ADAM22: variants seen among roughly 807,000 people sequenced by gnomAD.
ADAM22 encodes the protein ADAM metallopeptidase domain 22, also known as disintegrin and metalloproteinase domain-containing protein 22.
ADAM22 carries 65 observed loss-of-function variants against 144.6 expected under a neutral mutation model. The observed-to-expected ratio is 0.45, with a 90% CI of 0.37 to 0.55. The LOEUF (loss-of-function observed/expected upper bound fraction) is 0.55, where lower values mean the gene tolerates loss of function less well. Ranked by LOEUF, ADAM22 falls within the 20% of genes least tolerant of loss-of-function variation. The pLI, the probability that ADAM22 is intolerant of heterozygous loss-of-function variation, is 0.00. For missense variants in ADAM22, 974 were observed against 1,184.9 expected (o/e 0.82, Z 2.61); for synonymous variants, 391 against 412.6 (o/e 0.95, Z 0.63).
At chr7:88,151,358 G>A in intron 20 of ADAM22, 38 bp downstream of exon 20, 6 of 1,609,326 alleles carry the variant, frequency 3.7e-6, no homozygotes, top group Non-Finnish European at 4.3e-6. Flanking sequence ...GTTAAAGCAT[G>A]ATGTCAGGCG....
chr7:88,106,427 G>A (rs894515287), intron 4 of ADAM22, among the ~76,000 whole-genome samples: 1 of 152,106 alleles, frequency 6.6e-6, no homozygotes, highest in African/African-American at 2.4e-5. Flanking sequence ...TTGGAATTTC[G>A]GTGAAGAAAA....
intron 3 of ADAM22, among the ~76,000 whole-genome samples, chr7:88,062,310 G>C (rs1467220889): frequency 6.6e-6 from 1 of 152,198 alleles, no homozygotes; most frequent in East Asian, 1.9e-4. Flanking sequence ...AATTGTGGCA[G>C]CTTCTCCATC....
chr7:88,042,139 A>G lies in ADAM22; in HGVS notation c.324-33487A>G, dbSNP rs1376433423. On this transcript the variant is annotated intron_variant, in intron 3 of 31. Coordinates refer to ENST00000413139, the MANE Select transcript of ADAM22 (RefSeq NM_001324418.2). ...TTTCTCCAATCTAAGAAGAAAGTTT[A>G]TCTTCAGGGGAGGGCTTTCTCACTG... 1.3e-5 allele frequency among the ~76,000 whole-genome samples: 2 copies of G among 152,006 alleles called. 1 individual carries two copies. Among genetic ancestry groups the G allele is most frequent in the Non-Finnish European group, 2.9e-5 (2 of 67,912 alleles).
chr7:88,134,899 C>T (rs1479659327), intron 13 of ADAM22, among the ~76,000 whole-genome samples: 1 of 151,990 alleles, frequency 6.6e-6, no homozygotes, highest in Non-Finnish European at 1.5e-5. Context: ...TGTCTTTTCT[C>T]AAGTAGGTAA....
At chr7:87,970,399 T>C (rs979428197) in intron 2 of ADAM22, among the ~76,000 whole-genome samples, 8 of 152,188 alleles carry the variant, frequency 5.3e-5, no homozygotes, top group African/African-American at 7.2e-5. Context: ...TTATTTTTAA[T>C]AATATTAATT....
intron 2 of ADAM22, among the ~76,000 whole-genome samples, chr7:87,974,230 G>A (rs1472049546): frequency 6.6e-6 from 1 of 150,924 alleles, no homozygotes; most frequent in Non-Finnish European, 1.5e-5. Flanking sequence ...TGTGAACCTG[G>A]GAGGCAGAGC....
In ADAM22 at chr7:88,067,659, CT is replaced by C. The variant is rs1289558025; in HGVS notation, c.324-7964del. On this transcript the variant is annotated intron_variant, in intron 3 of 31. Coordinates refer to ENST00000413139, the MANE Select transcript of ADAM22 (RefSeq NM_001324418.2). ...TCTGCTGCAAAGCCGGCTTGGAAAA[CT>C]TTGCTTTATTAGGAACAGGATTCTA... is the stretch of plus-strand genomic sequence containing the variant. 4.6e-5 allele frequency among the ~76,000 whole-genome samples: 7 copies of C among 152,182 alleles called. No individual in the cohort carries two copies. The East Asian group carries it at 1.2e-3, about 25-fold the overall frequency.
At chr7:88,010,075 G>A (rs1795013140) in intron 3 of ADAM22, among the ~76,000 whole-genome samples, 1 of 151,658 alleles carries the variant, frequency 6.6e-6, no homozygotes, top group East Asian at 1.9e-4. Context: ...CATATTGCTA[G>A]GGTCTCTCTA....
At chr7:88,024,543 A>G (rs1353347121) in intron 3 of ADAM22, among the ~76,000 whole-genome samples, 1 of 151,008 alleles carries the variant, frequency 6.6e-6, no homozygotes, top group East Asian at 1.9e-4. Flanking sequence ...AAATTATTGG[A>G]TTTTTCTTTC....
chr7:88,051,681 C>A (rs746374257), intron 3 of ADAM22, among the ~76,000 whole-genome samples: 1 of 151,776 alleles, frequency 6.6e-6, no homozygotes, highest in Non-Finnish European at 1.5e-5. Context: ...GCACATGTTT[C>A]CCAGAACTTA....
chr7:88,189,756 C>T (rs984754621), intron 30 of ADAM22, among the ~76,000 whole-genome samples: 13 of 151,904 alleles, frequency 8.6e-5, no homozygotes, highest in Non-Finnish European at 1.3e-4. Flanking sequence ...CCATCCTGGC[C>T]AACATGGTGA....
Position 88,178,994 on chromosome 7 carries a change from A to C in ADAM22, c.2360A>C (p.Asp787Ala). The change falls in exon 27 of 32, where the codon GAC (aspartate) becomes GCC (alanine). Residue 787 changes from aspartate to alanine, a missense_variant. Coordinates refer to ENST00000413139, the MANE Select transcript of ADAM22 (RefSeq NM_001324418.2). ...KPGDGDSFYSDIPPGVSTNSA... is the reference protein window; with the variant it reads ...KPGDGDSFYSAIPPGVSTNSA... ...GGAGATGGTGACTCTTTTTATAGCG[A>C]CATTCCTCCCGGAGTCAGCACAAAC... 1.2e-6 allele frequency: 2 copies of C among 1,613,338 alleles called. No homozygotes were observed. The highest frequency in any genetic ancestry group is 1.7e-6 in the Non-Finnish European group (2 of 1,179,468).
At position 88,116,730 on chromosome 7, in the gene ADAM22, CT is replaced by C; in HGVS notation, c.538-13del. Reference sequence around the variant, plus strand: ...TGTTGTACATGCTTAATCACTGTTGCTTGTGTCATTTCAGGAGGATTTCCAT... The same window carrying C: ...TGTTGTACATGCTTAATCACTGTTGCTGTGTCATTTCAGGAGGATTTCCAT... On this transcript the variant is annotated splice_polypyrimidine_tract_variant and intron_variant, in intron 6 of 31. Transcript: ENST00000413139. 6.2e-7 allele frequency: 1 copy of C among 1,607,742 alleles called. No homozygotes were observed. The highest frequency in any genetic ancestry group is 1.1e-5 in the South Asian group (1 of 90,804).
rs11311070 is a variant in ADAM22, at chr7:87,944,816, G to GTT, written c.246+9643_246+9644dup. ...CTTAGGTCTTTAAAGGGAAACTTGT[G>GTT]TTTTTTTTTTTTTTGTTTTTTTTTT... On this transcript the variant is annotated intron_variant, in intron 2 of 31. Coordinates refer to ENST00000413139, the MANE Select transcript of ADAM22 (RefSeq NM_001324418.2). 5.9e-3 allele frequency among the ~76,000 whole-genome samples: 753 copies of GTT among 127,000 alleles called. 5 individuals are homozygous for GTT. Among genetic ancestry groups the GTT allele is most frequent in the South Asian group, 0.026 (103 of 3,978 alleles). 83.3% of individuals were successfully genotyped at this position (127,000 alleles called of 152,430 possible). A position where few individuals can be genotyped will look rare whatever the true frequency, so the allele number is the denominator to read the frequency against.
In ADAM22 at chr7:88,130,387, G is replaced by GT; in HGVS notation, c.756dup (p.Lys253Ter). Reference sequence around the variant, plus strand: ...CTTCACTTGTTTTCTTTTGCTTTCAGTTTAAAAAACATCGGCTTTCCGTTG... The same window carrying GT: ...CTTCACTTGTTTTCTTTTGCTTTCAGTTTTAAAAAACATCGGCTTTCCGTTG... On this transcript the variant is annotated frameshift_variant and splice_region_variant. Transcript: ENST00000413139. LOFTEE classifies it high-confidence loss of function. 2 of 1,610,506 alleles carry GT rather than the reference G, an allele frequency of 1.2e-6. No homozygotes were observed. The highest frequency in any genetic ancestry group is 1.7e-6 in the Non-Finnish European group (2 of 1,178,306).
At chr7:88,123,762 A>C (rs962894854) in intron 7 of ADAM22, among the ~76,000 whole-genome samples, 3 of 151,838 alleles carry the variant, frequency 2.0e-5, no homozygotes, top group Non-Finnish European at 4.4e-5. Context: ...CCCTTCAAGC[A>C]CTAAATGCCT....
In ADAM22 at chr7:88,110,929, G is replaced by C. The variant is rs529398350; in HGVS notation, c.473+2671G>C. On this transcript the variant is annotated intron_variant, in intron 5 of 31. Transcript: ENST00000413139. ...ATCTAATTTTTGTATTTTCAGTAGA[G>C]ACGGGGTTTTGCCATGTTGGCCAGG... 4.6e-4 allele frequency among the ~76,000 whole-genome samples: 65 copies of C among 141,014 alleles called. 1 individual carries two copies. In the South Asian group the frequency reaches 0.015, roughly 33 times the overall value. The allele number at this position is 141,014 out of a possible 152,430, so 92.5% of individuals were successfully genotyped here.
intron 4 of ADAM22, among the ~76,000 whole-genome samples, chr7:88,104,852 A>T (rs1039240444): frequency 8.5e-5 from 13 of 152,092 alleles, no homozygotes; most frequent in African/African-American, 3.1e-4. Flanking sequence ...GGAAACATTT[A>T]ATAATGATTC....
intron 2 of ADAM22, among the ~76,000 whole-genome samples, chr7:87,975,289 T>C (rs1851645005): frequency 2.0e-5 from 3 of 152,304 alleles, no homozygotes; most frequent in South Asian, 4.1e-4. Flanking sequence ...TTATTTTTAA[T>C]TTAATTGTTC....
Sources: gnomAD v4.1 joint callset for allele counts (sites outside exome capture counted in the v4.1 genomes callset) on GRCh38, gnomAD v4.1.1 for gene constraint, MANE v1.5 for transcripts, NCBI Gene and HGNC (gene_info 2026-07-23, HGNC 2026-07-21) for gene names.